Variants in CDK14 observed in about 807,000 individuals in gnomAD.
CDK14 encodes the protein cyclin-dependent kinase 14.
A neutral mutation model predicts 60.7 loss-of-function variants in CDK14; 34 were observed. The ratio of observed to expected loss-of-function variants is 0.56; its 90% CI spans 0.43 to 0.75. The LOEUF is 0.75. Among genes scored for constraint, CDK14 ranks in the 30% least tolerant of loss-of-function variants. The pLI is 0.00. For synonymous variants in CDK14, 197 were observed against 203.7 expected (o/e 0.97, Z 0.28); for missense variants, 482 against 564.1 (o/e 0.85, Z 1.47).
At chr7:90,898,092 C>T (rs1562819013) in intron 6 of CDK14, among the ~76,000 whole-genome samples, 1 of 152,086 alleles carries the variant, frequency 6.6e-6, no homozygotes, top group Non-Finnish European at 1.5e-5. Flanking sequence ...TAACTTCTTC[C>T]AGAGACCTTT....
intron 8 of CDK14, 128 bp downstream of exon 8, chr7:90,917,852 A>G (rs1165421757): frequency 3.3e-6 from 3 of 908,420 alleles, no homozygotes. Context: ...TTTTTCTGAA[A>G]TGAAGGATTT....
At chr7:90,810,335 G>A (rs111289941) in intron 5 of CDK14, among the ~76,000 whole-genome samples, 2,364 of 152,220 alleles carry the variant, frequency 0.016, 51 homozygotes, top group African/African-American at 0.052. Flanking sequence ...TCAAAAAAAC[G>A]TAATCCAGCG....
chr7:90,598,703 G>GTTTTTTTTTTTTTTTTTTT (rs1563010964), intron 1 of CDK14, among the ~76,000 whole-genome samples: 1 of 18,622 alleles, frequency 5.4e-5, no homozygotes, highest in Non-Finnish European at 9.7e-5. Flanking sequence ...ATTATCTAAG[G>GTTTTTTTTTTTTTTTTTTT]ATTTTTTTTT....
At chr7:90,664,494 G>A (rs1250169660) in intron 2 of CDK14, among the ~76,000 whole-genome samples, 2 of 152,172 alleles carry the variant, frequency 1.3e-5, no homozygotes, top group Non-Finnish European at 2.9e-5. Flanking sequence ...GGGCACGTAT[G>A]TTTATAGCGG....
intron 8 of CDK14, among the ~76,000 whole-genome samples, chr7:90,934,042 G>A (rs938787971): frequency 1.3e-5 from 2 of 152,264 alleles, no homozygotes; most frequent in Non-Finnish European, 1.5e-5. Flanking sequence ...GTGCTAGGCA[G>A]ACTTGTTTCC....
intron 5 of CDK14, among the ~76,000 whole-genome samples, chr7:90,805,657 A>G (rs1364169322): frequency 1.3e-5 from 2 of 152,152 alleles, no homozygotes; most frequent in Non-Finnish European, 2.9e-5. Context: ...AAAAAGATGT[A>G]CCTTGTTTAT....
intron 11 of CDK14, among the ~76,000 whole-genome samples, chr7:91,058,664 T>C (rs929275241): frequency 5.3e-5 from 8 of 152,376 alleles, no homozygotes; most frequent in Middle Eastern, 6.8e-3. Flanking sequence ...GAGATAATCA[T>C]GTGGTTTTTG....
intron 9 of CDK14, among the ~76,000 whole-genome samples, chr7:90,969,943 T>C (rs990657931): frequency 7.3e-5 from 11 of 150,540 alleles, no homozygotes; most frequent in Non-Finnish European, 1.3e-4. Flanking sequence ...TCATTATCCA[T>C]AGGAGTCTGT....
intron 12 of CDK14, among the ~76,000 whole-genome samples, chr7:91,088,681 C>T (rs970162631): frequency 6.6e-6 from 1 of 151,764 alleles, no homozygotes; most frequent in Non-Finnish European, 1.5e-5. Context: ...TGTTATACAG[C>T]ATATCTTTGT....
At chr7:90,996,210 C>T (rs1562861371) in intron 10 of CDK14, among the ~76,000 whole-genome samples, 1 of 152,186 alleles carries the variant, frequency 6.6e-6, no homozygotes, top group Non-Finnish European at 1.5e-5. Context: ...TGTCCCAGCA[C>T]TGTGACTTCT....
chr7:91,070,664 G>A (rs1798113628), intron 11 of CDK14, among the ~76,000 whole-genome samples: 1 of 152,104 alleles, frequency 6.6e-6, no homozygotes, highest in Non-Finnish European at 1.5e-5. Flanking sequence ...GGAGGCTGAG[G>A]TAAGAGGATC....
intron 14 of CDK14, among the ~76,000 whole-genome samples, chr7:91,137,193 A>T (rs976559071): frequency 5.9e-5 from 9 of 152,074 alleles, no homozygotes; most frequent in Admixed American, 3.9e-4. Context: ...ATCTAAGTAA[A>T]CTCTGCTTTG....
intron 2 of CDK14, among the ~76,000 whole-genome samples, chr7:90,638,626 C>A (rs1017663956): frequency 2.6e-5 from 4 of 152,160 alleles, no homozygotes; most frequent in South Asian, 2.1e-4. Flanking sequence ...TGCTCTTCTC[C>A]AGGAGTATCT....
At chr7:90,866,233 TACACACACACACAC>T (rs3038210) in intron 6 of CDK14, among the ~76,000 whole-genome samples, 14 of 140,288 alleles carry the variant, frequency 1.0e-4, no homozygotes, top group South Asian at 2.4e-4. Context: ...CACATACACA[TACACACACACACAC>T]ACACACACAC....
At chr7:91,153,693 A>T (rs1469860675) in intron 14 of CDK14, among the ~76,000 whole-genome samples, 2 of 152,154 alleles carry the variant, frequency 1.3e-5, no homozygotes, top group Admixed American at 6.6e-5. Flanking sequence ...GAACACATGG[A>T]CACATAGAGG....
chr7:91,158,614 G>A (rs897165738), intron 14 of CDK14, among the ~76,000 whole-genome samples: 2 of 152,116 alleles, frequency 1.3e-5, no homozygotes, highest in Non-Finnish European at 2.9e-5. Context: ...CTCTAGTTTT[G>A]GAGAAGTTTT....
intron 4 of CDK14, among the ~76,000 whole-genome samples, chr7:90,748,427 G>C (rs1803685017): frequency 6.6e-6 from 1 of 152,102 alleles, no homozygotes; most frequent in Non-Finnish European, 1.5e-5. Context: ...GAGAGTTACT[G>C]TATTTAGTGA....
intron 8 of CDK14, among the ~76,000 whole-genome samples, chr7:90,929,391 T>A (rs1173563439): frequency 6.6e-6 from 1 of 152,242 alleles, no homozygotes; most frequent in East Asian, 1.9e-4. Flanking sequence ...TTGTCTTGCA[T>A]ATTTCATGGT....
chr7:91,076,188 A>G (rs1441467795), intron 11 of CDK14, among the ~76,000 whole-genome samples: 1 of 148,656 alleles, frequency 6.7e-6, no homozygotes, highest in African/African-American at 2.5e-5. Context: ...AAAAGAACAA[A>G]GCTGGAGGCA....
Sources: gnomAD v4.1 joint callset for allele counts (sites outside exome capture counted in the v4.1 genomes callset) on GRCh38, gnomAD v4.1.1 for gene constraint, MANE v1.5 for transcripts, NCBI Gene and HGNC (gene_info 2026-07-23, HGNC 2026-07-21) for gene names.